Variants in DPP10 observed in about 807,000 individuals in gnomAD.
DPP10 encodes inactive dipeptidyl peptidase 10.
A neutral mutation model predicts 120.9 loss-of-function variants in DPP10; 33 were observed. The observed-to-expected ratio is 0.27, with a 90% CI of 0.21 to 0.37. The LOEUF (loss-of-function observed/expected upper bound fraction) is 0.37. Among genes scored for constraint, DPP10 ranks in the 10% least tolerant of loss-of-function variants. DPP10 has a pLI of 1.00. For synonymous variants in DPP10, 337 were observed against 326.1 expected, an observed-to-expected ratio of 1.03 and a Z score of -0.36; for missense variants, 816 against 942.8, an observed-to-expected ratio of 0.87 and a Z score of 1.76.
rs372748205 is a variant in DPP10 at position 114,722,209 on chromosome 2, C to T, written c.60+279371C>T. Among the ~76,000 whole-genome samples, 3 of 152,118 alleles carry T rather than the reference C, an allele frequency of 2.0e-5. No homozygotes were observed. The East Asian group carries it at 5.8e-4, about 29-fold the overall frequency. ...CAAGAAGAAAATGTATAATTCTCTT[C>T]TAAATAAAAATGGTAATTCTTATAA... On this transcript the variant is annotated intron_variant, in intron 1 of 25. Transcript: ENST00000410059.
At chr2:114,779,889 C>A (rs1682133914) in intron 1 of DPP10, among the ~76,000 whole-genome samples, 1 of 151,962 alleles carries the variant, frequency 6.6e-6, no homozygotes, top group Non-Finnish European at 1.5e-5. Context: ...GTCATCCCAG[C>A]ACTTTGGGAG....
At chr2:115,794,866 T>C (rs1391963561) in intron 19 of DPP10, among the ~76,000 whole-genome samples, 1 of 152,156 alleles carries the variant, frequency 6.6e-6, no homozygotes, top group Non-Finnish European at 1.5e-5. Context: ...TTCCTACTCA[T>C]GTTTATGTAA....
At chr2:115,317,498 C>A (rs1269831649) in intron 2 of DPP10, among the ~76,000 whole-genome samples, 3 of 152,100 alleles carry the variant, frequency 2.0e-5, no homozygotes. Flanking sequence ...AATGGAATTG[C>A]TAGATCCTAT....
At chr2:115,341,165 T>G (rs1413344990) in intron 2 of DPP10, among the ~76,000 whole-genome samples, 1 of 152,148 alleles carries the variant, frequency 6.6e-6, no homozygotes, top group Admixed American at 6.6e-5. Flanking sequence ...CAAAAAGCAC[T>G]TATCCTTTTA....
At chr2:115,563,948 A>G (rs866026878) in intron 5 of DPP10, among the ~76,000 whole-genome samples, 3 of 152,188 alleles carry the variant, frequency 2.0e-5, no homozygotes, top group Non-Finnish European at 2.9e-5. Context: ...TTGACATGCA[A>G]TATATGTTTG....
At chr2:115,500,030 G>A (rs1377820694) in intron 4 of DPP10, among the ~76,000 whole-genome samples, 1 of 151,878 alleles carries the variant, frequency 6.6e-6, no homozygotes, top group Non-Finnish European at 1.5e-5. Flanking sequence ...GCTTTCTAAA[G>A]GTGGTCTTCA....
chr2:115,123,805 T>C (rs2049940969), intron 1 of DPP10, among the ~76,000 whole-genome samples: 1 of 152,124 alleles, frequency 6.6e-6, no homozygotes, highest in African/African-American at 2.4e-5. Context: ...CTGGGTTGTT[T>C]TAAATATTAA....
chr2:115,050,583 T>C (rs781292646), intron 1 of DPP10, among the ~76,000 whole-genome samples: 3 of 152,066 alleles, frequency 2.0e-5, no homozygotes, highest in Non-Finnish European at 4.4e-5. Flanking sequence ...ATTAAAAGCT[T>C]AGGATGAAAG....
intron 1 of DPP10, chr2:115,161,844 CTT>C: frequency 1.8e-6 from 2 of 1,118,882 alleles, no homozygotes; most frequent in Non-Finnish European, 2.3e-6. Flanking sequence ...CACCCCGTCC[CTT>C]CCGCCGATTC....
intron 1 of DPP10, among the ~76,000 whole-genome samples, chr2:115,047,818 C>T (rs1484257793): frequency 2.6e-5 from 4 of 152,024 alleles, no homozygotes; most frequent in African/African-American, 9.7e-5. Context: ...TCACCTACAC[C>T]AGCCTCCAAT....
intron 3 of DPP10, among the ~76,000 whole-genome samples, chr2:115,435,570 G>A (rs1376322261): frequency 6.6e-6 from 1 of 151,636 alleles, no homozygotes; most frequent in Non-Finnish European, 1.5e-5. Flanking sequence ...CTATTGAGTT[G>A]TTTGAGTTCC....
intron 1 of DPP10, among the ~76,000 whole-genome samples, chr2:115,285,917 T>C (rs1359592909): frequency 1.3e-5 from 2 of 152,076 alleles, no homozygotes; most frequent in East Asian, 3.9e-4. Flanking sequence ...GTTTCTTCAA[T>C]GCCTCTTTCC....
chr2:115,215,582 C>A (rs2056771700), intron 1 of DPP10, among the ~76,000 whole-genome samples: 1 of 148,692 alleles, frequency 6.7e-6, no homozygotes. Context: ...TAATGCAACC[C>A]CTATTGAAAA....
intron 24 of DPP10, 81 bp from the exon 25 acceptor site, chr2:115,840,669 G>A: frequency 7.1e-7 from 1 of 1,404,096 alleles, no homozygotes; most frequent in Non-Finnish European, 1.0e-6. Context: ...ATAAAACACT[G>A]AATCTCTTTG....
At chr2:114,457,262 G>A (rs1678634261) in intron 1 of DPP10, among the ~76,000 whole-genome samples, 1 of 152,038 alleles carries the variant, frequency 6.6e-6, no homozygotes, top group Non-Finnish European at 1.5e-5. Flanking sequence ...TGACATGTTG[G>A]GCCAGACCAC....
In DPP10 at chr2:114,471,690, T is replaced by C. The variant is rs376507997; in HGVS notation, c.60+28852T>C. On this transcript the variant is annotated intron_variant, in intron 1 of 25. Coordinates refer to ENST00000410059, the MANE Select transcript of DPP10 (RefSeq NM_020868.6). ...AATTGGAGATGAATTTCTTATTAGT[T>C]TTAGTGCCTTTTGTGTCTCCTATTG... Among the ~76,000 whole-genome samples the C allele has an allele frequency of 3.8e-4, 58 of 152,326 alleles. 2 individuals are homozygous for C. Among genetic ancestry groups the C allele is most frequent in the African/African-American group, 1.3e-3 (54 of 41,564 alleles).
intron 1 of DPP10, among the ~76,000 whole-genome samples, chr2:115,058,630 C>A (rs1706141076): frequency 6.6e-6 from 1 of 152,164 alleles, no homozygotes; most frequent in Admixed American, 6.5e-5. Context: ...GAACTCCTGA[C>A]CTCAAAGTGA....
At chr2:115,408,790 A>C (rs2068720739) in intron 3 of DPP10, among the ~76,000 whole-genome samples, 2 of 152,162 alleles carry the variant, frequency 1.3e-5, no homozygotes, top group African/African-American at 2.4e-5. Context: ...CAAAATTGAA[A>C]AGCTGATGGA....
chr2:114,618,846 A>C (rs372438130), intron 1 of DPP10, among the ~76,000 whole-genome samples: 2 of 152,046 alleles, frequency 1.3e-5, no homozygotes, highest in East Asian at 3.9e-4. Context: ...CAGAAGTAGC[A>C]CTATATACAT....
Sources: allele counts gnomAD v4.1 joint callset (sites outside exome capture counted in the v4.1 genomes callset), GRCh38; gene constraint gnomAD v4.1.1; transcripts MANE v1.5; gene names NCBI Gene and HGNC (gene_info 2026-07-23, HGNC 2026-07-21).